CYB5R3: variants seen among roughly 807,000 people sequenced by gnomAD.
CYB5R3 encodes NADH-cytochrome b5 reductase 3.
In CYB5R3, 28 loss-of-function variants were observed where a neutral mutation model predicts 36.5. That is an observed-to-expected ratio of 0.77 (90% confidence interval 0.57 to 1.05). The LOEUF is 1.05. Among genes scored for constraint, CYB5R3 ranks in the 50% least tolerant of loss-of-function variants. The pLI is 0.00. For synonymous variants in CYB5R3, 181 were observed against 159.8 expected, an observed-to-expected ratio of 1.13 and a Z score of -1.00; for missense variants, 474 against 408.9, an observed-to-expected ratio of 1.16 and a Z score of -1.37.
chr22:42,620,017 G>C (rs938518603), intron 8 of CYB5R3, 72 bp from the exon 9 acceptor site: 4 of 1,401,192 alleles, frequency 2.9e-6, no homozygotes, highest in African/African-American at 2.9e-5. Context: ...ACCAACCCTA[G>C]GCGGTGAATT....
chr22:42,630,450 C>T (rs1411658236), intron 4 of CYB5R3, among the ~76,000 whole-genome samples: 3 of 152,202 alleles, frequency 2.0e-5, no homozygotes, highest in Non-Finnish European at 4.4e-5. Flanking sequence ...GATCTCCCAG[C>T]GTGAGAGCAG....
intron 4 of CYB5R3, among the ~76,000 whole-genome samples, chr22:42,629,632 C>A (rs998669575): frequency 6.6e-6 from 1 of 152,218 alleles, no homozygotes; most frequent in Non-Finnish European, 1.5e-5. Flanking sequence ...GCCCCCAGAC[C>A]TGGCAAGGTA....
intron 1 of CYB5R3, among the ~76,000 whole-genome samples, chr22:42,641,001 C>T (rs767342851): frequency 1.3e-5 from 2 of 151,858 alleles, no homozygotes; most frequent in South Asian, 4.2e-4. Context: ...GGATCACAGG[C>T]GCACGTCACC....
In CYB5R3 at chr22:42,618,754, C is replaced by T. The variant is rs1041110897; in HGVS notation, c.*1019G>A. On this transcript the variant is annotated 3_prime_UTR_variant, in exon 9 of 9. Transcript: ENST00000352397. Reference sequence around the variant, plus strand: ...AAAAAATGCTAGGTCTTCCCCAGCCCTTTCCTGACCCCACCCCTTGTGTTG... The same window carrying T: ...AAAAAATGCTAGGTCTTCCCCAGCCTTTTCCTGACCCCACCCCTTGTGTTG... 3 of 151,242 alleles carry T rather than the reference C, an allele frequency of 2.0e-5. No homozygotes were observed. The highest frequency in any genetic ancestry group is 2.9e-5 in the Non-Finnish European group (2 of 67,902). The allele number at this position is 151,242 out of a possible 1,614,324, so 9.4% of individuals were successfully genotyped here.
intron 1 of CYB5R3, among the ~76,000 whole-genome samples, chr22:42,643,267 G>T (rs1255065009): frequency 6.6e-6 from 1 of 152,188 alleles, no homozygotes; most frequent in Non-Finnish European, 1.5e-5. Context: ...TTGAAGCGAT[G>T]TGAGATGAGA....
At position 42,631,118 on chromosome 22, in the gene CYB5R3, C is replaced by G. The variant is rs1184584084; in HGVS notation, c.227-130G>C. On this transcript the variant is annotated intron_variant, in intron 3 of 8. Coordinates refer to ENST00000352397, the MANE Select transcript of CYB5R3 (RefSeq NM_000398.7). Reference sequence around the variant, plus strand: ...GCCTGGCGTCAGCTCCCACGGCCCCCTCCCACCCCTCCCGGGGATTCCCCT... The same window carrying G: ...GCCTGGCGTCAGCTCCCACGGCCCCGTCCCACCCCTCCCGGGGATTCCCCT... The G allele has an allele frequency of 7.9e-6, 7 of 889,050 alleles. No individual in the cohort carries two copies. The East Asian group carries it at 1.8e-4, about 23-fold the overall frequency. 55.1% of individuals were successfully genotyped at this position (889,050 alleles called of 1,614,324 possible). A position where few individuals can be genotyped will look rare whatever the true frequency, so the allele number is the denominator to read the frequency against.
intron 1 of CYB5R3, among the ~76,000 whole-genome samples, chr22:42,644,131 C>T (rs538204904): frequency 2.0e-5 from 3 of 152,048 alleles, no homozygotes; most frequent in South Asian, 2.1e-4. Flanking sequence ...CAGGGTGGGC[C>T]GGGAGTGGAC....
chr22:42,639,683 G>A (rs1295675678), intron 1 of CYB5R3: 1 of 365,396 alleles, frequency 2.7e-6, no homozygotes, highest in East Asian at 5.5e-5. Context: ...TTGTACCAAT[G>A]TTACTTTCCT....
Position 42,619,875 on chromosome 22 carries a change from C to T in CYB5R3, c.804G>A (p.Glu268=). 1 of 1,608,228 alleles carries T rather than the reference C, an allele frequency of 6.2e-7. No individual in the cohort carries two copies. Among genetic ancestry groups the T allele is most frequent in the Non-Finnish European group, 8.5e-7 (1 of 1,177,630 alleles). ...GGGGGCCACACATCAGCACCAGCGG[C>T]TCCTCCTCTGGGGGTGGAAGGTGGT... ...IRDHLPPPEE[E]PLVLMCGPPP... Residue 268 remains glutamate (E), a synonymous_variant, in exon 9 of 9, where the codon GAG becomes GAA. Transcript: ENST00000352397.
chr22:42,619,440 T>G lies in CYB5R3; in HGVS notation c.*333A>C, dbSNP rs1217807979. 2 of 321,164 alleles carry G rather than the reference T, an allele frequency of 6.2e-6. No individual in the cohort carries two copies. Among genetic ancestry groups the G allele is most frequent in the South Asian group, 9.8e-5 (2 of 20,454 alleles). The allele number at this position is 321,164 out of a possible 1,614,324, so 19.9% of individuals were successfully genotyped here. A position where few individuals can be genotyped will look rare whatever the true frequency, so the allele number is the denominator to read the frequency against. On this transcript the variant is annotated 3_prime_UTR_variant, in exon 9 of 9. Transcript: ENST00000352397. ...GACTATGGTCCACGGCCGGGAATGGTGGGCAGACGGGGCTGCTGGCAGCCC... is the reference window on the plus strand; with the variant it reads ...GACTATGGTCCACGGCCGGGAATGGGGGGCAGACGGGGCTGCTGGCAGCCC...
In CYB5R3 at chr22:42,638,728, T is replaced by TAAAAAAAAAAAAAAA. The variant is rs67349863; in HGVS notation, c.22-1897_22-1883dup. Among the ~76,000 whole-genome samples, 405 of 47,506 alleles carry TAAAAAAAAAAAAAAA rather than the reference T, an allele frequency of 8.5e-3. 48 individuals are homozygous for TAAAAAAAAAAAAAAA. Among genetic ancestry groups the TAAAAAAAAAAAAAAA allele is most frequent in the African/African-American group, 0.041 (376 of 9,102 alleles). The allele number at this position is 47,506 out of a possible 152,430, so 31.2% of individuals were successfully genotyped here. A position where few individuals can be genotyped will look rare whatever the true frequency, so the allele number is the denominator to read the frequency against. ...GCCTGGGAGACAGAGCAAGACTCCA[T>TAAAAAAAAAAAAAAA]AAAAAAAAAAAAAAAAAAAAAAGGC... is the stretch of plus-strand genomic sequence containing the variant. On this transcript the variant is annotated intron_variant, in intron 1 of 8. Coordinates refer to ENST00000352397, the MANE Select transcript of CYB5R3 (RefSeq NM_000398.7).
At chr22:42,649,227 C>T in intron 1 of CYB5R3, 68 bp downstream of exon 1, 2 of 722,350 alleles carry the variant, frequency 2.8e-6, no homozygotes, top group Non-Finnish European at 3.5e-6. Flanking sequence ...CAGGCCAGCC[C>T]GCCCCCTCGC....
In CYB5R3 at chr22:42,625,372, G is replaced by A. The variant is rs375282532; in HGVS notation, c.634-1484C>T. 2.9e-4 allele frequency among the ~76,000 whole-genome samples: 44 copies of A among 152,200 alleles called. No homozygotes were observed. The South Asian group carries it at 5.0e-3, about 17-fold the overall frequency. ...AAATATAAAGAATTAGCTGGATGTG[G>A]TGGCGGGCACCTGTAATCGCAGCTA... On this transcript the variant is annotated intron_variant, in intron 7 of 8. Transcript: ENST00000352397.
chr22:42,636,916 C>A (rs2146894408), intron 1 of CYB5R3, 70 bp from the exon 2 acceptor site: 1 of 1,576,268 alleles, frequency 6.3e-7, no homozygotes, highest in East Asian at 2.4e-5. Context: ...CTTGTCCACA[C>A]TACCAGGCCT....
At chr22:42,639,873 T>C in intron 1 of CYB5R3, 1 of 1,315,468 alleles carries the variant, frequency 7.6e-7, no homozygotes, top group Admixed American at 2.8e-5. Flanking sequence ...TTCTGACAAA[T>C]CTTATTTTAT....
chr22:42,628,940 G>C (rs1192012628), intron 4 of CYB5R3, among the ~76,000 whole-genome samples: 1 of 152,106 alleles, frequency 6.6e-6, no homozygotes, highest in Non-Finnish European at 1.5e-5. Flanking sequence ...GGTGGCTATG[G>C]GGTGTGGAGG....
At chr22:42,648,872 G>A (rs948040990) in intron 1 of CYB5R3, among the ~76,000 whole-genome samples, 3 of 151,686 alleles carry the variant, frequency 2.0e-5, no homozygotes, top group Non-Finnish European at 4.4e-5. Flanking sequence ...ACGTTTCCAT[G>A]CCCGCCCTTC....
intron 1 of CYB5R3, among the ~76,000 whole-genome samples, chr22:42,645,098 GAA>G (rs1929476875): frequency 6.6e-6 from 1 of 152,140 alleles, no homozygotes; most frequent in South Asian, 2.1e-4. Flanking sequence ...GCTGGGCCAA[GAA>G]AAAGACACCC....
At position 42,649,385 on chromosome 22, in the gene CYB5R3, G is replaced by T; in HGVS notation, c.-70C>A. The T allele has an allele frequency of 1.9e-6, 1 of 530,942 alleles. No individual in the cohort carries two copies. Among genetic ancestry groups the T allele is most frequent in the Non-Finnish European group, 2.4e-6 (1 of 412,028 alleles). The allele number at this position is 530,942 out of a possible 1,614,324, so 32.9% of individuals were successfully genotyped here. On this transcript the variant is annotated 5_prime_UTR_variant, in exon 1 of 9. Transcript: ENST00000352397. ...CCGAGACCGTCGCGCCCGGGCCCGC[G>T]TCACTCCGGAGCAGGGGCGGGGCCG...
Sources: gnomAD v4.1 joint callset for allele counts (sites outside exome capture counted in the v4.1 genomes callset) on GRCh38, gnomAD v4.1.1 for gene constraint, MANE v1.5 for transcripts, NCBI Gene and HGNC (gene_info 2026-07-23, HGNC 2026-07-21) for gene names.